Variants in PARD3B observed in about 807,000 individuals in gnomAD.
PARD3B encodes the protein par-3 family cell polarity regulator beta.
In PARD3B, 103 loss-of-function variants were observed where a neutral mutation model predicts 130.2. That is an observed-to-expected ratio of 0.79 (90% CI 0.67 to 0.93). The LOEUF (loss-of-function observed/expected upper bound fraction) is 0.93, where lower values mean the gene tolerates loss of function less well. Ranked by LOEUF, PARD3B falls within the 40% of genes least tolerant of loss-of-function variation. The pLI is 0.00. For synonymous variants in PARD3B, 583 were observed against 553.2 expected (o/e 1.05, Z -0.76); for missense variants, 1,609 against 1,499.2 (o/e 1.07, Z -1.21).
intron 15 of PARD3B, among the ~76,000 whole-genome samples, chr2:205,231,238 A>C (rs2038819032): frequency 6.6e-6 from 1 of 152,070 alleles, no homozygotes; most frequent in Admixed American, 6.5e-5. Context: ...TTACGTTTTA[A>C]GACTTAAGTG....
intron 2 of PARD3B, among the ~76,000 whole-genome samples, chr2:204,842,408 AT>A (rs985704038): frequency 1.3e-5 from 2 of 152,084 alleles, no homozygotes; most frequent in African/African-American, 2.4e-5. Flanking sequence ...AAAGAATAAT[AT>A]TGTTTTTTTC....
intron 22 of PARD3B, among the ~76,000 whole-genome samples, chr2:205,579,604 T>C (rs1481798204): frequency 2.0e-5 from 3 of 152,154 alleles, no homozygotes; most frequent in African/African-American, 7.2e-5. Context: ...CAAATCACAT[T>C]TTGTGGCTGA....
rs529248117 is a variant in PARD3B, at chr2:204,828,880, A to G, written c.223-136272A>G. Reference sequence around the variant, plus strand: ...TCCTTATCATGGAATATGAAACTTAAAATTCTAGACCCACAGATCAGCTTC... The same window carrying G: ...TCCTTATCATGGAATATGAAACTTAGAATTCTAGACCCACAGATCAGCTTC... On this transcript the variant is annotated intron_variant, in intron 2 of 22. Coordinates refer to ENST00000406610, the MANE Select transcript of PARD3B (RefSeq NM_001302769.2). Among the ~76,000 whole-genome samples, 17 of 152,256 alleles carry G rather than the reference A, an allele frequency of 1.1e-4. No individual in the cohort carries two copies. In the South Asian group the frequency reaches 3.5e-3, roughly 32 times the overall value.
At chr2:205,340,140 G>A (rs1360480108) in intron 18 of PARD3B, among the ~76,000 whole-genome samples, 3 of 151,988 alleles carry the variant, frequency 2.0e-5, no homozygotes, top group Non-Finnish European at 4.4e-5. Flanking sequence ...GTAACAATAG[G>A]AGTTGCATTG....
chr2:204,722,292 G>A (rs2039032324), intron 2 of PARD3B, among the ~76,000 whole-genome samples: 1 of 152,152 alleles, frequency 6.6e-6, no homozygotes, highest in Non-Finnish European at 1.5e-5. Context: ...AGTAGAATTT[G>A]TTTTGACTTT....
At chr2:205,457,242 T>C (rs965895894) in intron 20 of PARD3B, among the ~76,000 whole-genome samples, 1 of 152,018 alleles carries the variant, frequency 6.6e-6, no homozygotes, top group Non-Finnish European at 1.5e-5. Context: ...AGTTGGTCCA[T>C]TTTAAGTTAT....
chr2:205,533,796 C>T (rs193242699), intron 21 of PARD3B, among the ~76,000 whole-genome samples: 4 of 152,154 alleles, frequency 2.6e-5, no homozygotes, highest in African/African-American at 9.6e-5. Flanking sequence ...GGGGTGCAAA[C>T]AGGTCACTGC....
At chr2:205,423,677 T>A (rs553437703) in intron 19 of PARD3B, among the ~76,000 whole-genome samples, 1 of 152,232 alleles carries the variant, frequency 6.6e-6, no homozygotes, top group South Asian at 2.1e-4. Context: ...ATTCACAACA[T>A]GGAATCAACA....
chr2:204,995,487 G>A (rs1165669386), intron 3 of PARD3B, among the ~76,000 whole-genome samples: 2 of 149,510 alleles, frequency 1.3e-5, no homozygotes, highest in Non-Finnish European at 3.0e-5. Context: ...AGGGTAACCC[G>A]ACCTTTCTCT....
Position 205,288,826 on chromosome 2 carries a change from CT to C in PARD3B, c.2186-11702del, listed in dbSNP as rs1371112055. Among the ~76,000 whole-genome samples, 23 of 152,200 alleles carry C rather than the reference CT, an allele frequency of 1.5e-4. No individual in the cohort carries two copies. Among genetic ancestry groups the C allele is most frequent in the African/African-American group, 5.6e-4 (23 of 41,440 alleles). ...ATATGACCCACATCATGCATAAAGTCTTACTCAGTGACTTAAAGTCACACTG... is the reference window on the plus strand; with the variant it reads ...ATATGACCCACATCATGCATAAAGTCTACTCAGTGACTTAAAGTCACACTG... On this transcript the variant is annotated intron_variant, in intron 16 of 22. Coordinates refer to ENST00000406610, the MANE Select transcript of PARD3B (RefSeq NM_001302769.2). This position sits in a 1 kb window ranked among gnomAD's most constrained non-coding sequence, Gnocchi z 4.0.
At chr2:205,000,016 A>G (rs1376843223) in intron 3 of PARD3B, among the ~76,000 whole-genome samples, 2 of 150,482 alleles carry the variant, frequency 1.3e-5, no homozygotes, top group Non-Finnish European at 2.9e-5. Context: ...TTCAAGTCAC[A>G]GGGTTTTTTT....
chr2:205,281,462 G>A lies in PARD3B; in HGVS notation c.2186-19068G>A, dbSNP rs942406467. Among the ~76,000 whole-genome samples, 3 of 152,158 alleles carry A rather than the reference G, an allele frequency of 2.0e-5. No homozygotes were observed. The highest frequency in any genetic ancestry group is 4.4e-5 in the Non-Finnish European group (3 of 68,016). ...AACGAAGTTGAAAGAAAGAGACCTT[G>A]TTCCAGTGAACAGTTAGCAAACTAG... On this transcript the variant is annotated intron_variant, in intron 16 of 22. Coordinates refer to ENST00000406610, the MANE Select transcript of PARD3B (RefSeq NM_001302769.2). The surrounding 1 kb of genome is among the most constrained non-coding windows in gnomAD (Gnocchi z 4.2).
At chr2:205,481,692 A>C (rs572546220) in intron 20 of PARD3B, among the ~76,000 whole-genome samples, 1 of 152,252 alleles carries the variant, frequency 6.6e-6, no homozygotes, top group South Asian at 2.1e-4. Flanking sequence ...AAACTACCCT[A>C]CTTGGTTTTA....
intron 2 of PARD3B, among the ~76,000 whole-genome samples, chr2:204,934,477 T>C (rs1688261080): frequency 6.6e-6 from 1 of 152,200 alleles, no homozygotes; most frequent in Non-Finnish European, 1.5e-5. Context: ...ATGCACCTAA[T>C]AAAGCAAAAC....
intron 2 of PARD3B, among the ~76,000 whole-genome samples, chr2:204,869,080 T>C (rs1476845291): frequency 1.3e-5 from 2 of 152,208 alleles, no homozygotes; most frequent in Non-Finnish European, 2.9e-5. Flanking sequence ...TTTTTTCCTT[T>C]TAAAGGTTTT....
rs77973080 is a variant in PARD3B at position 204,798,573 on chromosome 2, C to T, written c.222+112291C>T. 9.6e-3 allele frequency among the ~76,000 whole-genome samples: 1,455 copies of T among 152,252 alleles called. 15 individuals are homozygous for T. The highest frequency in any genetic ancestry group is 0.025 in the African/African-American group (1,042 of 41,574). ...CACCAGAGGAACAGCGAAGGGAGCGCTTGCCATCACTCCTGCCCTTAGCCC... is the reference window on the plus strand; with the variant it reads ...CACCAGAGGAACAGCGAAGGGAGCGTTTGCCATCACTCCTGCCCTTAGCCC... On this transcript the variant is annotated intron_variant, in intron 2 of 22. Transcript: ENST00000406610.
In PARD3B at chr2:204,967,825, A is replaced by T. The variant is rs901414156; in HGVS notation, c.394+2502A>T. Among the ~76,000 whole-genome samples the T allele has an allele frequency of 6.6e-6, 1 of 152,166 alleles. No individual in the cohort carries two copies. Among genetic ancestry groups the T allele is most frequent in the Non-Finnish European group, 1.5e-5 (1 of 68,038 alleles). ...CTCCAGATGGAGAGATGTGGTTGGC[A>T]GTAGAGGCAGTATTGATGGCACTTC... On this transcript the variant is annotated intron_variant, in intron 3 of 22. Transcript: ENST00000406610. This position sits in a 1 kb window ranked among gnomAD's most constrained non-coding sequence, Gnocchi z 4.4.
At chr2:205,547,200 T>A (rs2052416697) in intron 21 of PARD3B, among the ~76,000 whole-genome samples, 1 of 152,182 alleles carries the variant, frequency 6.6e-6, no homozygotes, top group African/African-American at 2.4e-5. Flanking sequence ...ATTAATCCCA[T>A]TCCATAAGCA....
chr2:205,036,843 CAT>C (rs935075840), intron 3 of PARD3B, among the ~76,000 whole-genome samples: 3 of 150,346 alleles, frequency 2.0e-5, no homozygotes, highest in East Asian at 2.0e-4. Context: ...GTACAAAAAA[CAT>C]ATATAGTGGA....
Sources: gnomAD v4.1 joint callset for allele counts (sites outside exome capture counted in the v4.1 genomes callset) on GRCh38, gnomAD v4.1.1 for gene constraint, Gnocchi (gnomAD v3.1) non-coding constraint, MANE v1.5 for transcripts, NCBI Gene and HGNC (gene_info 2026-07-23, HGNC 2026-07-21) for gene names.